Variants in CPQ observed in about 807,000 individuals in gnomAD.
The protein encoded by CPQ is Ser-Met dipeptidase.
A neutral mutation model predicts 45.7 loss-of-function variants in CPQ; 37 were observed. That is an observed-to-expected ratio of 0.81 (90% confidence interval 0.62 to 1.07). The LOEUF (loss-of-function observed/expected upper bound fraction) is 1.07. Among genes scored for constraint, CPQ ranks in the 50% least tolerant of loss-of-function variants. The pLI is 0.00. For missense variants in CPQ, 537 were observed against 572.9 expected (o/e 0.94, Z 0.64); for synonymous variants, 186 against 205.8 (o/e 0.90, Z 0.82).
chr8:96,662,964 G>A (rs1443557763), intron 1 of CPQ, among the ~76,000 whole-genome samples: 1 of 152,210 alleles, frequency 6.6e-6, no homozygotes, highest in Non-Finnish European at 1.5e-5. Flanking sequence ...TCCAGCCTGA[G>A]CTACAGAGCA....
At chr8:96,962,259 G>A (rs1563539878) in intron 4 of CPQ, among the ~76,000 whole-genome samples, 2 of 152,138 alleles carry the variant, frequency 1.3e-5, no homozygotes, top group Non-Finnish European at 2.9e-5. Flanking sequence ...TAGTTGTTTT[G>A]TTACAGCTGC....
chr8:96,879,936 A>G lies in CPQ; in HGVS notation c.780A>G (p.Ala260=). 6.2e-7 allele frequency: 1 copy of G among 1,614,140 alleles called. No individual in the cohort carries two copies. The highest frequency in any genetic ancestry group is 8.5e-7 in the Non-Finnish European group (1 of 1,179,988). ...TTGTCATTCAGCTAAAGATGGGGGCAAAGACCTACCCAGATACTGATTCCT... is the reference window on the plus strand; with the variant it reads ...TTGTCATTCAGCTAAAGATGGGGGCGAAGACCTACCCAGATACTGATTCCT... The part of the protein sequence containing the change: ...IKIVIQLKMG[A]KTYPDTDSFN... Residue 260 remains alanine, a synonymous_variant, in exon 4 of 8, where the codon GCA becomes GCG. Transcript: ENST00000220763.
intron 1 of CPQ, among the ~76,000 whole-genome samples, chr8:96,724,022 C>G (rs1040967396): frequency 1.3e-5 from 2 of 152,006 alleles, no homozygotes; most frequent in Non-Finnish European, 2.9e-5. Flanking sequence ...TGTCTTTATA[C>G]CTCACCAACC....
At chr8:97,087,798 A>G (rs1335964125) in intron 7 of CPQ, among the ~76,000 whole-genome samples, 1 of 152,216 alleles carries the variant, frequency 6.6e-6, no homozygotes, top group Non-Finnish European at 1.5e-5. Flanking sequence ...GTTATTGCTA[A>G]CATGGAATAT....
rs562068630 is a variant in CPQ at position 97,081,988 on chromosome 8, T to G, written c.1255+15778T>G. On this transcript the variant is annotated intron_variant, in intron 7 of 7. Transcript: ENST00000220763. Reference sequence around the variant, plus strand: ...AAATGCTTGGCACAAAGTTAACACTTAATAAGCCACTTTTATTATTTTAGC... The same window carrying G: ...AAATGCTTGGCACAAAGTTAACACTGAATAAGCCACTTTTATTATTTTAGC... Among the ~76,000 whole-genome samples the G allele has an allele frequency of 2.0e-5, 3 of 152,312 alleles. No homozygotes were observed. The South Asian group carries it at 6.2e-4, about 32-fold the overall frequency.
At chr8:97,011,758 T>A (rs1008226500) in intron 5 of CPQ, among the ~76,000 whole-genome samples, 2 of 152,186 alleles carry the variant, frequency 1.3e-5, no homozygotes, top group Non-Finnish European at 2.9e-5. Flanking sequence ...CTAAAAACAT[T>A]TAGCACAGTG....
chr8:96,866,878 A>C (rs925084976), intron 3 of CPQ, among the ~76,000 whole-genome samples: 2 of 152,128 alleles, frequency 1.3e-5, no homozygotes, highest in African/African-American at 4.8e-5. Context: ...CCTTAGGAAC[A>C]CACTATCCAG....
intron 7 of CPQ, among the ~76,000 whole-genome samples, chr8:97,089,777 C>A (rs1429019884): frequency 6.6e-6 from 1 of 152,056 alleles, no homozygotes. Context: ...TTTGAGTGGC[C>A]TTTTGGAAAC....
chr8:96,887,122 C>A (rs1409801625), intron 4 of CPQ, among the ~76,000 whole-genome samples: 1 of 152,124 alleles, frequency 6.6e-6, no homozygotes, highest in African/African-American at 2.4e-5. Flanking sequence ...TCTTTTCACA[C>A]CCCTTCACCA....
intron 2 of CPQ, among the ~76,000 whole-genome samples, chr8:96,791,623 G>T (rs1321268467): frequency 6.6e-6 from 1 of 152,122 alleles, no homozygotes; most frequent in Non-Finnish European, 1.5e-5. Context: ...CAGTTGTCTG[G>T]CAACTGGACT....
Position 97,122,999 on chromosome 8 carries a change from A to T in CPQ, c.1256-20021A>T, listed in dbSNP as rs868013672. Among the ~76,000 whole-genome samples the T allele has an allele frequency of 2.5e-3, 135 of 53,402 alleles. 7 individuals are homozygous for T. The highest frequency in any genetic ancestry group is 5.8e-3 in the African/African-American group (58 of 10,020). 35.0% of individuals were successfully genotyped at this position (53,402 alleles called of 152,430 possible). A position where few individuals can be genotyped will look rare whatever the true frequency, so the allele number is the denominator to read the frequency against. The stretch of plus-strand genomic sequence containing the variant: ...AATAAAATTAAAATAAAATAAAATA[A>T]AATATAAAATAAAATAAAATAAAAT... On this transcript the variant is annotated intron_variant, in intron 7 of 7. Coordinates refer to ENST00000220763, the MANE Select transcript of CPQ (RefSeq NM_016134.4).
At chr8:96,834,830 A>T (rs1462049966) in intron 2 of CPQ, 143 bp from the exon 3 acceptor site, 1 of 601,786 alleles carries the variant, frequency 1.7e-6, no homozygotes, top group Non-Finnish European at 2.8e-6. Context: ...TCCTTTTCCC[A>T]TGGTAAATGG....
At chr8:96,936,021 T>C (rs922149713) in intron 4 of CPQ, among the ~76,000 whole-genome samples, 3 of 152,196 alleles carry the variant, frequency 2.0e-5, no homozygotes. Flanking sequence ...AGTCAAGTAG[T>C]GAACATCAGA....
chr8:97,075,149 G>A (rs925506188), intron 7 of CPQ, among the ~76,000 whole-genome samples: 16 of 152,102 alleles, frequency 1.1e-4, no homozygotes, highest in African/African-American at 3.6e-4. Context: ...GTAGCAAAGG[G>A]TTGAAAACAA....
intron 4 of CPQ, among the ~76,000 whole-genome samples, chr8:96,949,668 T>C (rs1244130456): frequency 6.6e-6 from 1 of 152,118 alleles, no homozygotes; most frequent in Non-Finnish European, 1.5e-5. Context: ...GTTGTTGTAG[T>C]TGTAGTTTTG....
intron 1 of CPQ, among the ~76,000 whole-genome samples, chr8:96,771,210 T>C (rs1810539707): frequency 6.6e-6 from 1 of 151,204 alleles, no homozygotes; most frequent in Non-Finnish European, 1.5e-5. Context: ...ACTTCCTTTT[T>C]CTTTTTTAAA....
intron 4 of CPQ, among the ~76,000 whole-genome samples, chr8:96,956,089 C>A (rs1461590797): frequency 6.6e-6 from 1 of 152,128 alleles, no homozygotes; most frequent in African/African-American, 2.4e-5. Flanking sequence ...GAACAGGCAA[C>A]CTACAGAATG....
chr8:97,123,839 G>C (rs1288214919), intron 7 of CPQ, among the ~76,000 whole-genome samples: 1 of 152,154 alleles, frequency 6.6e-6, no homozygotes, highest in South Asian at 2.1e-4. Context: ...AGCAAATTCT[G>C]TATACGTGAA....
chr8:96,697,108 C>G (rs1049897419), intron 1 of CPQ, among the ~76,000 whole-genome samples: 1 of 152,132 alleles, frequency 6.6e-6, no homozygotes, highest in Non-Finnish European at 1.5e-5. Flanking sequence ...CTAATGAACA[C>G]TGATGCCAAA....
Sources: allele counts gnomAD v4.1 joint callset (sites outside exome capture counted in the v4.1 genomes callset), GRCh38; gene constraint gnomAD v4.1.1; transcripts MANE v1.5; gene names NCBI Gene and HGNC (gene_info 2026-07-23, HGNC 2026-07-21).